Variants in NFKB2 observed in about 807,000 individuals in gnomAD.
NFKB2 encodes nuclear factor kappa B subunit 2.
In NFKB2, 21 loss-of-function variants were observed where a neutral mutation model predicts 109.3. That is an observed-to-expected ratio of 0.19 (90% CI 0.14 to 0.28). NFKB2 has a LOEUF of 0.28. Ranked by LOEUF, NFKB2 falls within the 10% of genes least tolerant of loss-of-function variation. The pLI is 1.00. For missense variants in NFKB2, 806 were observed against 1,185.3 expected, an observed-to-expected ratio of 0.68 and a Z score of 4.70; for synonymous variants, 478 against 489.9, an observed-to-expected ratio of 0.98 and a Z score of 0.32.
rs1469839251 is a variant in NFKB2 at position 102,397,976 on chromosome 10, C to T, written c.662-5C>T. 6.2e-7 allele frequency: 1 copy of T among 1,613,818 alleles called. No homozygotes were observed. Among genetic ancestry groups the T allele is most frequent in the African/African-American group, 1.3e-5 (1 of 74,916 alleles). ...ATCTCAACTAATCCATATCCCACTC[C>T]ATAGAATCTCCGGGGGCATCAAACC... On this transcript the variant is annotated splice_region_variant and splice_polypyrimidine_tract_variant and intron_variant, in intron 8 of 22. Transcript: ENST00000661543. The surrounding 1 kb of genome is among the most constrained non-coding windows in gnomAD (Gnocchi z 4.7).
chr10:102,401,520 T>G lies in NFKB2; in HGVS notation c.2293+2T>G. On this transcript the variant is annotated splice_donor_variant, in intron 20 of 22. Coordinates refer to ENST00000661543, the MANE Select transcript of NFKB2 (RefSeq NM_001322934.2). LOFTEE classifies it high-confidence loss of function. This position sits in a 1 kb window ranked among gnomAD's most constrained non-coding sequence, Gnocchi z 4.2. ...CCCTGACCCCGCCCAGCCCAGCAGG[T>G]GAGAAGCATCAGGCATCCCCAGCCC... is the stretch of plus-strand genomic sequence containing the variant. 6.2e-7 allele frequency: 1 copy of G among 1,612,338 alleles called. No homozygotes were observed. The highest frequency in any genetic ancestry group is 8.5e-7 in the Non-Finnish European group (1 of 1,179,812).
upstream of NFKB2, among the ~76,000 whole-genome samples, chr10:102,395,242 A>T (rs1442135552): frequency 1.3e-5 from 2 of 151,940 alleles, no homozygotes; most frequent in Non-Finnish European, 2.9e-5. Context: ...CTTTTCCCGC[A>T]GCCCCAGAAT....
In NFKB2 at chr10:102,398,667, G is replaced by T. The variant is rs1445916366; in HGVS notation, c.992-72G>T. The stretch of plus-strand genomic sequence containing the variant: ...GGTGCTTCCTAGGAGCCGGCCCTGA[G>T]GGCTCTTCTGGGAAGGGCCCCTGAG... On this transcript the variant is annotated intron_variant, in intron 11 of 22. Transcript: ENST00000661543. This position sits in a 1 kb window ranked among gnomAD's most constrained non-coding sequence, Gnocchi z 6.6. The T allele has an allele frequency of 1.9e-6, 3 of 1,611,592 alleles. No homozygotes were observed. The highest frequency in any genetic ancestry group is 2.5e-6 in the Non-Finnish European group (3 of 1,179,830).
rs745333097 is a variant in NFKB2 at position 102,400,515 on chromosome 10, T to C, written c.1798+24T>C. 1.8e-5 allele frequency: 29 copies of C among 1,592,224 alleles called. No individual in the cohort carries two copies. The highest frequency in any genetic ancestry group is 2.3e-5 in the Non-Finnish European group (27 of 1,169,630). On this transcript the variant is annotated intron_variant, in intron 16 of 22. Transcript: ENST00000661543. The surrounding 1 kb of genome is among the most constrained non-coding windows in gnomAD (Gnocchi z 6.3). ...GGGTGAGCTCCCCATCTCACCTGAC[T>C]AAGGGGGCAGGCGGGGACCAGGGAG...
chr10:102,394,757 A>G (rs1441379046), upstream of NFKB2: 1 of 152,594 alleles, frequency 6.6e-6, no homozygotes, highest in Non-Finnish European at 1.5e-5. Flanking sequence ...ACACCGTTGT[A>G]CAAAGATACG....
chr10:102,395,697 G>A (rs1350094989), upstream of NFKB2: 3 of 577,072 alleles, frequency 5.2e-6, no homozygotes, highest in South Asian at 2.1e-5. Flanking sequence ...ACTTTCCTAA[G>A]CTGCTCTAAC....
chr10:102,402,115 G>A lies in NFKB2; in HGVS notation c.2534G>A (p.Arg845Lys), dbSNP rs2061270489. Residue 845 changes from arginine (R) to lysine (K), a missense_variant, in exon 22 of 23, where the codon AGG (arginine) becomes AAG (lysine). Physicochemically the swap from Arg to Lys is conservative, Grantham distance 26. Around this residue, in one of 10 missense-constraint regions of NFKB2, gnomAD observed 211 missense variants for 268.7 expected, o/e 0.79. Coordinates refer to ENST00000661543, the MANE Select transcript of NFKB2 (RefSeq NM_001322934.2). ...GACATGGGCCTAGAGGAGGGAGTGA[G>A]GCTGCTGAGGGGTCCAGAAACCCGA... ...LSDMGLEEGV[R>K]LLRGPETRDK... 3 of 1,579,582 alleles carry A rather than the reference G, an allele frequency of 1.9e-6. No homozygotes were observed. The Admixed American group carries it at 5.5e-5, about 29-fold the overall frequency.
rs187589547 is a variant in NFKB2, at chr10:102,400,205, G to A, written c.1584+11G>A. On this transcript the variant is annotated intron_variant, in intron 15 of 22. Transcript: ENST00000661543. This position sits in a 1 kb window ranked among gnomAD's most constrained non-coding sequence, Gnocchi z 6.3. Reference sequence around the variant, plus strand: ...AACCACCTGCACCAGGTGCGGGGGCGCCTACTGGGGAGGTGGGAGGGGTTG... The same window carrying A: ...AACCACCTGCACCAGGTGCGGGGGCACCTACTGGGGAGGTGGGAGGGGTTG... The A allele has an allele frequency of 4.3e-5, 69 of 1,613,900 alleles. No individual in the cohort carries two copies. In the East Asian group the frequency reaches 1.2e-3, roughly 29 times the overall value.
At position 102,399,599 on chromosome 10, in the gene NFKB2, G is replaced by C. The variant is rs749147076; in HGVS notation, c.1350G>C (p.Leu450=). 23 of 1,549,486 alleles carry C rather than the reference G, an allele frequency of 1.5e-5. No individual in the cohort carries two copies. The highest frequency in any genetic ancestry group is 1.1e-4 in the South Asian group (9 of 84,112). Residue 450 remains leucine, a synonymous_variant, in exon 14 of 23, where the codon CTG becomes CTC. Transcript: ENST00000661543. ...TAGCTCGAGAGTACAACGCGCGCCT[G>C]TTCGGCCTGGCGCAGCGCAGCGCCC... The part of the protein sequence containing the change: ...LQRAREYNAR[L]FGLAQRSARA...
In NFKB2 at chr10:102,400,514, C is replaced by T. The variant is rs1309410273; in HGVS notation, c.1798+23C>T. 1 of 1,592,626 alleles carries T rather than the reference C, an allele frequency of 6.3e-7. No homozygotes were observed. The highest frequency in any genetic ancestry group is 1.8e-5 in the Admixed American group (1 of 55,984). ...AGGGTGAGCTCCCCATCTCACCTGA[C>T]TAAGGGGGCAGGCGGGGACCAGGGA... On this transcript the variant is annotated intron_variant, in intron 16 of 22. Transcript: ENST00000661543. The surrounding 1 kb of genome is among the most constrained non-coding windows in gnomAD (Gnocchi z 6.3).
rs554294830 is a variant in NFKB2 at position 102,402,506 on chromosome 10, A to G, written c.*130A>G. ...AAAGGATTCTCATGGGAAGGGGAGGACCCCTCCTTCCCAACTTATGGCAGC... is the reference window on the plus strand; with the variant it reads ...AAAGGATTCTCATGGGAAGGGGAGGGCCCCTCCTTCCCAACTTATGGCAGC... On this transcript the variant is annotated 3_prime_UTR_variant, in exon 23 of 23. Coordinates refer to ENST00000661543, the MANE Select transcript of NFKB2 (RefSeq NM_001322934.2). 230 of 593,438 alleles carry G rather than the reference A, an allele frequency of 3.9e-4. No individual in the cohort carries two copies. Among genetic ancestry groups the G allele is most frequent in the Non-Finnish European group, 5.8e-4 (200 of 347,694 alleles). 36.8% of individuals were successfully genotyped at this position (593,438 alleles called of 1,614,324 possible).
chr10:102,399,419 G>A lies in NFKB2; in HGVS notation c.1249G>A (p.Gly417Arg), dbSNP rs1387126836. 3 of 1,527,714 alleles carry A rather than the reference G, an allele frequency of 2.0e-6. No homozygotes were observed. The highest frequency in any genetic ancestry group is 4.2e-5 in the Admixed American group (2 of 47,462). The allele number at this position is 1,527,714 out of a possible 1,614,324, so 94.6% of individuals were successfully genotyped here. ...CGCCACGGTGCCCAGCAGGGACTCC[G>A]GGGAGGAAGCCGCGGAGCCAAGCGC... ...MAATVPSRDS[G>R]EEAAEPSAPS... The change falls in exon 13 of 23, where the codon GGG becomes AGG. Residue 417 changes from glycine (G) to arginine (R), a missense_variant. Physicochemically the swap from Gly to Arg is moderately radical, Grantham distance 125. Coordinates refer to ENST00000661543, the MANE Select transcript of NFKB2 (RefSeq NM_001322934.2).
Position 102,399,288 on chromosome 10 carries a change from G to C in NFKB2, c.1118G>C (p.Gly373Ala), listed in dbSNP as rs1179164021. ...AAGGYGGAGG[G>A]GSLGFFPSSL... ...CCCACAGCCCTGCCTGTATCCACAG[G>C]TGGCAGCCTCGGTTTCTTCCCCTCC... is the stretch of plus-strand genomic sequence containing the variant. The change falls in exon 13 of 23, where the codon GGT becomes GCT. Residue 373 changes from glycine to alanine, a missense_variant and splice_region_variant. Transcript: ENST00000661543. The C allele has an allele frequency of 6.3e-7, 1 of 1,593,672 alleles. No homozygotes were observed. Among genetic ancestry groups the C allele is most frequent in the African/African-American group, 1.3e-5 (1 of 74,256 alleles).
chr10:102,397,630 T>C lies in NFKB2; in HGVS notation c.606T>C (p.Asp202=). ...TCTCTGCCTTCCTTAGAGCCAGTGA[T>C]GGCTCCTTCTCCCTGCCCCTGAAGC... ...LRFSAFLRAS[D]GSFSLPLKPV... Residue 202 remains aspartate, a synonymous_variant, in exon 8 of 23, where the codon GAT becomes GAC. Transcript: ENST00000661543. This position sits in a 1 kb window ranked among gnomAD's most constrained non-coding sequence, Gnocchi z 4.7. The C allele has an allele frequency of 3.1e-6, 5 of 1,613,910 alleles. No homozygotes were observed. The highest frequency in any genetic ancestry group is 4.2e-6 in the Non-Finnish European group (5 of 1,179,786).
At chr10:102,399,843 C>T in intron 14 of NFKB2, 125 bp downstream of exon 14, 1 of 1,360,880 alleles carries the variant, frequency 7.3e-7, no homozygotes, top group East Asian at 2.5e-5. Flanking sequence ...TTCACAAGCT[C>T]TGTTCAAGCT....
Position 102,398,951 on chromosome 10 carries a change from C to T in NFKB2, c.1117+87C>T. 2.8e-6 allele frequency: 4 copies of T among 1,419,824 alleles called. No individual in the cohort carries two copies. Among genetic ancestry groups the T allele is most frequent in the South Asian group, 1.3e-5 (1 of 75,922 alleles). 88.0% of individuals were successfully genotyped at this position (1,419,824 alleles called of 1,614,324 possible). ...GGGGGAGGCCGGGCGTGGTGGCTCA[C>T]GCCTGTAATCCAGCCCTTTGGGAGG... On this transcript the variant is annotated intron_variant, in intron 12 of 22. Transcript: ENST00000661543. This position sits in a 1 kb window ranked among gnomAD's most constrained non-coding sequence, Gnocchi z 6.6.
Position 102,397,055 on chromosome 10 carries a change from A to G in NFKB2, c.395A>G (p.Gln132Arg). Residue 132 changes from glutamine to arginine, a missense_variant and splice_region_variant, in exon 6 of 23, where the codon CAA becomes CGA. Physicochemically the swap from Gln to Arg is conservative, Grantham distance 43. Around this residue, in one of 10 missense-constraint regions of NFKB2, gnomAD observed 62 missense variants for 102.2 expected, o/e 0.61. Coordinates refer to ENST00000661543, the MANE Select transcript of NFKB2 (RefSeq NM_001322934.2). This position sits in a 1 kb window ranked among gnomAD's most constrained non-coding sequence, Gnocchi z 4.7. ...GTGGGGCCCAAGGACATGACTGCCC[A>G]GTAGGTGCCCTCTACGCCTGGCCCC... is the stretch of plus-strand genomic sequence containing the variant. ...VSVGPKDMTA[Q>R]FNNLGVLHVT... The G allele has an allele frequency of 6.2e-7, 1 of 1,609,010 alleles. No individual in the cohort carries two copies. The highest frequency in any genetic ancestry group is 8.5e-7 in the Non-Finnish European group (1 of 1,176,206).
chr10:102,398,169 G>C lies in NFKB2; in HGVS notation c.767-43G>C, dbSNP rs2061150467. The C allele has an allele frequency of 1.2e-6, 2 of 1,613,358 alleles. No homozygotes were observed. The stretch of plus-strand genomic sequence containing the variant: ...AAGCTCTAGGGTAAATGGCCCCAGA[G>C]ATTCCACCGGGAGCTGTGGCCAAGC... On this transcript the variant is annotated intron_variant, in intron 9 of 22. Transcript: ENST00000661543. This position sits in a 1 kb window ranked among gnomAD's most constrained non-coding sequence, Gnocchi z 6.6.
Position 102,396,879 on chromosome 10 carries a change from GAC to G in NFKB2, c.244-24_244-23del. 6.3e-7 allele frequency: 1 copy of G among 1,599,938 alleles called. No homozygotes were observed. Among genetic ancestry groups the G allele is most frequent in the African/African-American group, 1.3e-5 (1 of 74,784 alleles). On this transcript the variant is annotated intron_variant, in intron 5 of 22. Coordinates refer to ENST00000661543, the MANE Select transcript of NFKB2 (RefSeq NM_001322934.2). The surrounding 1 kb of genome is among the most constrained non-coding windows in gnomAD (Gnocchi z 5.9). ...AAGTGGACAGCATGCCCAAGGCCCT[GAC>G]TGACAGTCCCTGCCTCTCCTAGATC...
Sources: allele counts gnomAD v4.1 joint callset (sites outside exome capture counted in the v4.1 genomes callset), GRCh38; gene constraint gnomAD v4.1.1; regional missense constraint gnomAD v4.1.1; non-coding constraint Gnocchi (gnomAD v3.1); transcripts MANE v1.5; gene names NCBI Gene and HGNC (gene_info 2026-07-23, HGNC 2026-07-21).